The following ELP6 variants were observed in gnomAD, a reference collection of about 807,000 sequenced individuals.
The protein encoded by ELP6 is elongator acetyltransferase complex subunit 6.
ELP6 carries 23 observed loss-of-function variants against 28.1 expected under a neutral mutation model. The observed-to-expected ratio is 0.82, with a 90% CI of 0.59 to 1.16. The LOEUF (loss-of-function observed/expected upper bound fraction) is 1.16, where lower values mean the gene tolerates loss of function less well. ELP6 is among the 50% of genes most tolerant of loss of function. ELP6 has a pLI of 0.00. For missense variants in ELP6, 313 were observed against 334.6 expected, an observed-to-expected ratio of 0.94 and a Z score of 0.50; for synonymous variants, 132 against 135.8, an observed-to-expected ratio of 0.97 and a Z score of 0.19.
In ELP6 at chr3:47,510,169, C is replaced by T. The variant is rs1368746827; in HGVS notation, c.204+15G>A. The stretch of plus-strand genomic sequence containing the variant: ...CTCACTCAGGGACCTCATCATGGAG[C>T]TCCAAAATATTTACCAGCTTCTGTC... On this transcript the variant is annotated intron_variant, in intron 3 of 6. Coordinates refer to ENST00000296149, the MANE Select transcript of ELP6 (RefSeq NM_001031703.3). 1 of 1,603,272 alleles carries T rather than the reference C, an allele frequency of 6.2e-7. No individual in the cohort carries two copies. The highest frequency in any genetic ancestry group is 1.7e-5 in the Admixed American group (1 of 59,974).
intron 1 of ELP6, chr3:47,512,036 ACCTG>A: frequency 1.0e-6 from 1 of 985,242 alleles, no homozygotes; most frequent in Non-Finnish European, 1.2e-6. Context: ...CCATTCTTTC[ACCTG>A]GCCCTAGGCT....
At chr3:47,500,845 T>C (rs1338224391) in intron 5 of ELP6, among the ~76,000 whole-genome samples, 2 of 152,192 alleles carry the variant, frequency 1.3e-5, no homozygotes, top group African/African-American at 4.8e-5. Flanking sequence ...CTAACTCAGT[T>C]AGCTTATCTC....
chr3:47,510,278 A>G (rs1708977589), intron 2 of ELP6, 24 bp from the exon 3 acceptor site: 15 of 1,600,836 alleles, frequency 9.4e-6, no homozygotes, highest in Non-Finnish European at 1.2e-5. Flanking sequence ...CAATTATTTT[A>G]AATAAATCCT....
At chr3:47,512,814 G>A (rs952479939) in intron 1 of ELP6, 14 of 951,688 alleles carry the variant, frequency 1.5e-5, no homozygotes, top group Non-Finnish European at 1.8e-5. Context: ...GCGAGGTGGC[G>A]GTTAGGAAGC....
intron 6 of ELP6, 88 bp downstream of exon 6, chr3:47,498,198 C>G (rs766638964): frequency 6.5e-7 from 1 of 1,538,578 alleles, no homozygotes; most frequent in Non-Finnish European, 8.8e-7. Context: ...CCCAACCAGA[C>G]AGTCCCTCAG....
intron 1 of ELP6, 118 bp from the exon 2 acceptor site, chr3:47,511,344 T>C: frequency 6.9e-7 from 1 of 1,449,272 alleles, no homozygotes; most frequent in East Asian, 2.4e-5. Context: ...TTTATTTTTT[T>C]AATGACATAC....
At chr3:47,508,331 C>A (rs1708908061) in intron 3 of ELP6, among the ~76,000 whole-genome samples, 1 of 152,242 alleles carries the variant, frequency 6.6e-6, no homozygotes. Context: ...GCACTTTCTG[C>A]CTCCCAGGTT....
At chr3:47,496,535 G>A (rs1388961199) in intron 6 of ELP6, 1 of 938,830 alleles carries the variant, frequency 1.1e-6, no homozygotes, top group Non-Finnish European at 1.3e-6. Flanking sequence ...TCACTCTGTT[G>A]CCCAGGCTGG....
At chr3:47,496,322 T>C (rs1020125919) in intron 6 of ELP6, 125 bp from the exon 7 acceptor site, 2 of 1,434,164 alleles carry the variant, frequency 1.4e-6, no homozygotes, top group Non-Finnish European at 1.8e-6. Context: ...AGATGTGCCA[T>C]CTGGTAATGG....
intron 3 of ELP6, among the ~76,000 whole-genome samples, chr3:47,508,909 C>T (rs970142833): frequency 3.3e-5 from 5 of 151,884 alleles, no homozygotes; most frequent in Non-Finnish European, 5.9e-5. Context: ...GGACTACAGG[C>T]GCCTGCCACC....
At position 47,498,277 on chromosome 3, in the gene ELP6, C is replaced by T. The variant is rs76414810; in HGVS notation, c.672+9G>A. ...CAAGAAGCCTGTTGCCCAGGAGGCC[C>T]CTGCATACCTGCCCGTGCACATCCC... On this transcript the variant is annotated intron_variant, in intron 6 of 6. Transcript: ENST00000296149. 1.6e-3 allele frequency: 2,523 copies of T among 1,612,906 alleles called. 36 individuals carry two copies. In the African/African-American group the frequency reaches 0.03, roughly 19 times the overall value.
intron 1 of ELP6, 75 bp downstream of exon 1, chr3:47,513,462 G>A: frequency 6.3e-7 from 1 of 1,575,216 alleles, no homozygotes. Flanking sequence ...CCGGGGTCGT[G>A]CGCACCGCCT....
In ELP6 at chr3:47,504,393, A is replaced by G; in HGVS notation, c.260T>C (p.Leu87Pro). ...ERGQLVFLEG[L>P]KSAVDVVFQA... is the part of the protein sequence containing the mutation. Reference sequence around the variant, plus strand: ...GAAGACGACGTCCACTGCAGACTTGAGTCCCTCAAGGAACACAAGCTGCCC... The same window carrying G: ...GAAGACGACGTCCACTGCAGACTTGGGTCCCTCAAGGAACACAAGCTGCCC... The change falls in exon 4 of 7, where the codon CTC becomes CCC. Residue 87 changes from leucine to proline, a missense_variant. By Grantham distance (98) the Leu-to-Pro change is moderately conservative. Coordinates refer to ENST00000296149, the MANE Select transcript of ELP6 (RefSeq NM_001031703.3). 6.2e-7 allele frequency: 1 copy of G among 1,610,274 alleles called. No homozygotes were observed. The highest frequency in any genetic ancestry group is 8.5e-7 in the Non-Finnish European group (1 of 1,178,062).
chr3:47,500,189 T>C (rs550224998), intron 5 of ELP6: 7 of 1,120,142 alleles, frequency 6.2e-6, no homozygotes, highest in East Asian at 8.8e-5. Flanking sequence ...TTTTGGGCAA[T>C]GGACAACAAA....
intron 6 of ELP6, chr3:47,496,428 A>T: frequency 1.0e-6 from 1 of 985,240 alleles, no homozygotes; most frequent in Non-Finnish European, 1.2e-6. Flanking sequence ...AGAAAATGTG[A>T]AAGAGGAAAA....
intron 2 of ELP6, among the ~76,000 whole-genome samples, 191 bp from the exon 3 acceptor site, chr3:47,510,445 A>T (rs866984552): frequency 6.6e-6 from 1 of 152,222 alleles, no homozygotes; most frequent in Non-Finnish European, 1.5e-5. Flanking sequence ...TACTGGTTCT[A>T]AGATATACTT....
At chr3:47,503,705 A>T (rs1576343724) in intron 4 of ELP6, among the ~76,000 whole-genome samples, 1 of 152,120 alleles carries the variant, frequency 6.6e-6, no homozygotes, top group Non-Finnish European at 1.5e-5. Context: ...GATCGAGACC[A>T]TGGTGAAACC....
chr3:47,509,586 A>C (rs138872371), intron 3 of ELP6, among the ~76,000 whole-genome samples: 21 of 152,310 alleles, frequency 1.4e-4, no homozygotes, highest in South Asian at 8.3e-4. Context: ...GTGATCTCCA[A>C]CCAAGGAGGA....
At chr3:47,497,496 C>T (rs1447595092) in intron 6 of ELP6, 4 of 242,588 alleles carry the variant, frequency 1.6e-5, no homozygotes, top group South Asian at 3.0e-4. Context: ...ACCACCATGC[C>T]TGGCTAATTT....
Sources: allele counts gnomAD v4.1 joint callset (sites outside exome capture counted in the v4.1 genomes callset), GRCh38; gene constraint gnomAD v4.1.1; transcripts MANE v1.5; gene names NCBI Gene and HGNC (gene_info 2026-07-23, HGNC 2026-07-21).